DNAH5: variants seen among roughly 807,000 people sequenced by gnomAD.
DNAH5 encodes the protein dynein axonemal heavy chain 5, also known as axonemal beta dynein heavy chain 5.
DNAH5 carries 372 observed loss-of-function variants against 518.2 expected under a neutral mutation model. That is an observed-to-expected ratio of 0.72 (90% CI 0.66 to 0.78). The LOEUF (loss-of-function observed/expected upper bound fraction) is 0.78, where lower values mean the gene tolerates loss of function less well. Ranked by LOEUF, DNAH5 falls within the 30% of genes least tolerant of loss-of-function variation. The pLI is 0.00. For missense variants in DNAH5, 5,523 were observed against 5,687.0 expected (o/e 0.97, Z 0.93); for synonymous variants, 2,039 against 2,025.9 (o/e 1.01, Z -0.17).
At chr5:13,899,961 C>A in intron 15 of DNAH5, 1 of 516,250 alleles carries the variant, frequency 1.9e-6, no homozygotes, top group South Asian at 2.6e-5. Context: ...TTTTCAGTGG[C>A]TCGAAATCCT....
chr5:13,836,244 C>G (rs1291817010), intron 35 of DNAH5, among the ~76,000 whole-genome samples: 1 of 152,156 alleles, frequency 6.6e-6, no homozygotes, highest in Non-Finnish European at 1.5e-5. Context: ...ATACTGTAAG[C>G]AACCAACAGA....
chr5:13,889,227 A>G (rs755614986), intron 17 of DNAH5, among the ~76,000 whole-genome samples: 7 of 152,228 alleles, frequency 4.6e-5, no homozygotes, highest in Admixed American at 3.3e-4. Flanking sequence ...TTATAAAACA[A>G]TCATCAGAAA....
chr5:13,791,018 T>A (rs1165751890), intron 50 of DNAH5, among the ~76,000 whole-genome samples: 1 of 152,012 alleles, frequency 6.6e-6, no homozygotes, highest in Non-Finnish European at 1.5e-5. Context: ...TAAGCCCCCA[T>A]GAAACATGTT....
intron 1 of DNAH5, among the ~76,000 whole-genome samples, chr5:13,959,861 G>A (rs912641349): frequency 8.5e-5 from 13 of 152,152 alleles, no homozygotes; most frequent in Admixed American, 6.5e-5. Context: ...CAGCCACTCG[G>A]GAGGCTGAGG....
At chr5:13,776,220 G>C (rs539267256) in intron 55 of DNAH5, among the ~76,000 whole-genome samples, 46 of 152,304 alleles carry the variant, frequency 3.0e-4, no homozygotes, top group African/African-American at 1.1e-3. Context: ...GCCTTGAGAA[G>C]GAAATGTCCA....
At chr5:13,764,582 T>C (rs1580120448) in intron 59 of DNAH5, among the ~76,000 whole-genome samples, 2 of 152,216 alleles carry the variant, frequency 1.3e-5, no homozygotes, top group African/African-American at 4.8e-5. Context: ...GAGCAACTTA[T>C]ACACTGCTGG....
chr5:13,841,593 G>T, intron 33 of DNAH5, 99 bp downstream of exon 33: 1 of 914,790 alleles, frequency 1.1e-6, no homozygotes, highest in Non-Finnish European at 1.7e-6. Context: ...TACTGGTCTA[G>T]AGTTAAATTA....
intron 1 of DNAH5, among the ~76,000 whole-genome samples, chr5:13,959,487 T>C (rs1781004992): frequency 6.6e-6 from 1 of 152,194 alleles, no homozygotes; most frequent in African/African-American, 2.4e-5. Context: ...AGGCTTCACA[T>C]CTTCATGCCA....
At chr5:13,829,410 T>G in intron 38 of DNAH5, 100 bp downstream of exon 38, 1 of 1,245,558 alleles carries the variant, frequency 8.0e-7, no homozygotes, top group Non-Finnish European at 1.2e-6. Flanking sequence ...ATAAAATCCT[T>G]TGTCAACAAG....
In DNAH5 at chr5:13,827,297, T is replaced by C. The variant is rs144414235; in HGVS notation, c.6444+2213A>G. Among the ~76,000 whole-genome samples the C allele has an allele frequency of 7.1e-3, 1,074 of 152,032 alleles. 10 individuals carry two copies. Among genetic ancestry groups the C allele is most frequent in the African/African-American group, 0.025 (1,017 of 41,438 alleles). Reference sequence around the variant, plus strand: ...TTTGCGTAAGTAATGAGGATTTGAATGTTAATCACCAAGACAATGGAGAAA... The same window carrying C: ...TTTGCGTAAGTAATGAGGATTTGAACGTTAATCACCAAGACAATGGAGAAA... On this transcript the variant is annotated intron_variant, in intron 38 of 78. Coordinates refer to ENST00000265104, the MANE Select transcript of DNAH5 (RefSeq NM_001369.3).
chr5:13,690,759 A>T lies in DNAH5; in HGVS notation c.*1225T>A, dbSNP rs2126321945. 1 of 152,380 alleles carries T rather than the reference A, an allele frequency of 6.6e-6. No individual in the cohort carries two copies. Among genetic ancestry groups the T allele is most frequent in the Non-Finnish European group, 1.5e-5 (1 of 68,028 alleles). The allele number at this position is 152,380 out of a possible 1,614,324, so 9.4% of individuals were successfully genotyped here. A position where few individuals can be genotyped will look rare whatever the true frequency, so the allele number is the denominator to read the frequency against. ...TAACATCTAACCAGAATTTAAAGAA[A>T]AATACGTGAAAAGTTCCTTTGATAA... On this transcript the variant is annotated 3_prime_UTR_variant, in exon 79 of 79. Coordinates refer to ENST00000265104, the MANE Select transcript of DNAH5 (RefSeq NM_001369.3).
At chr5:13,946,092 T>C (rs1413913790), upstream of DNAH5, among the ~76,000 whole-genome samples, 3 of 152,230 alleles carry the variant, frequency 2.0e-5, no homozygotes, top group Non-Finnish European at 4.4e-5. Context: ...AAGAATCCTC[T>C]GTCAACACAT....
In DNAH5 at chr5:13,770,767, A is replaced by G; in HGVS notation, c.9587T>C (p.Val3196Ala). The G allele has an allele frequency of 6.2e-7, 1 of 1,613,910 alleles. No homozygotes were observed. The highest frequency in any genetic ancestry group is 8.5e-7 in the Non-Finnish European group (1 of 1,179,932). ...KFIYGEKHVEVRTLANRMNTG... is the reference protein window; with the variant it reads ...KFIYGEKHVEARTLANRMNTG... ...CACTTACCTGTTGGCCAGGGTCCGCACCTCCACATGCTTTTCTCCATATAT... is the reference window on the plus strand; with the variant it reads ...CACTTACCTGTTGGCCAGGGTCCGCGCCTCCACATGCTTTTCTCCATATAT... The change falls in exon 56 of 79, where the codon GTG (valine) becomes GCG (alanine). Residue 3196 changes from valine to alanine, a missense_variant. Physicochemically the swap from Val to Ala is moderately conservative, Grantham distance 64. Around this residue, in one of 3 missense-constraint regions of DNAH5, gnomAD observed 5,121 missense variants for 5,223.3 expected, o/e 0.98. Coordinates refer to ENST00000265104, the MANE Select transcript of DNAH5 (RefSeq NM_001369.3).
At position 13,752,552 on chromosome 5, in the gene DNAH5, T is replaced by C. The variant is rs116816972; in HGVS notation, c.10873-263A>G. Among the ~76,000 whole-genome samples the C allele has an allele frequency of 0.042, 6,369 of 152,312 alleles. 163 individuals are homozygous for C. The highest frequency in any genetic ancestry group is 0.06 in the Non-Finnish European group (4,113 of 68,018). On this transcript the variant is annotated intron_variant, in intron 63 of 78. Transcript: ENST00000265104. ...GCATAAAATTGTTTAAAATATTGTA[T>C]AAAATTACCTTCAAATATATGAAGA...
intron 78 of DNAH5, 26 bp downstream of exon 78, chr5:13,700,614 C>T (rs1181283437): frequency 1.9e-6 from 3 of 1,594,362 alleles, no homozygotes; most frequent in Middle Eastern, 1.7e-4. Flanking sequence ...AATGCGAGCC[C>T]TTACTGAAGG....
intron 65 of DNAH5, among the ~76,000 whole-genome samples, chr5:13,748,151 CTTGT>C (rs1401770641): frequency 6.6e-6 from 1 of 152,116 alleles, no homozygotes; most frequent in African/African-American, 2.4e-5. Context: ...TTCCCCATTG[CTTGT>C]TTTTCTCAGG....
intron 75 of DNAH5, 58 bp downstream of exon 75, chr5:13,714,347 C>T: frequency 6.5e-7 from 1 of 1,549,458 alleles, no homozygotes; most frequent in Non-Finnish European, 8.9e-7. Context: ...CTTCCTCACT[C>T]TCCCAACCGA....
intron 43 of DNAH5, among the ~76,000 whole-genome samples, chr5:13,813,966 A>C (rs2127040345): frequency 6.6e-6 from 1 of 152,318 alleles, no homozygotes; most frequent in Middle Eastern, 3.4e-3. Flanking sequence ...CATGTGGCTT[A>C]TCTAATAAAC....
Position 13,807,698 on chromosome 5 carries a change from T to C in DNAH5, c.7780A>G (p.Thr2594Ala), listed in dbSNP as rs1580349269. The C allele has an allele frequency of 1.9e-6, 3 of 1,608,516 alleles. No homozygotes were observed. The highest frequency in any genetic ancestry group is 2.7e-5 in the African/African-American group (2 of 74,910). Residue 2594 changes from threonine (T) to alanine (A), a missense_variant, in exon 47 of 79, where the codon ACA becomes GCA. By Grantham distance (58) the Thr-to-Ala change is moderately conservative (BLOSUM62 0). Coordinates refer to ENST00000265104, the MANE Select transcript of DNAH5 (RefSeq NM_001369.3). ...KAVLLIGEQG[T>A]AKTVIIKGFM... is the part of the protein sequence containing the mutation. Reference sequence around the variant, plus strand: ...CCTTTAATTATTACTGTTTTGGCTGTTCCTTGTTCACCAATTAATAGCACA... The same window carrying C: ...CCTTTAATTATTACTGTTTTGGCTGCTCCTTGTTCACCAATTAATAGCACA...
Sources: allele counts gnomAD v4.1 joint callset (sites outside exome capture counted in the v4.1 genomes callset), GRCh38; gene constraint gnomAD v4.1.1; regional missense constraint gnomAD v4.1.1; transcripts MANE v1.5; gene names NCBI Gene and HGNC (gene_info 2026-07-23, HGNC 2026-07-21).